Variants in AUTS2 observed in about 807,000 individuals in gnomAD.
AUTS2 encodes activator of transcription and developmental regulator AUTS2.
AUTS2 carries 17 observed loss-of-function variants against 112.4 expected under a neutral mutation model. The observed-to-expected ratio is 0.15, with a 90% CI of 0.10 to 0.23. The LOEUF (loss-of-function observed/expected upper bound fraction) is 0.23. Among genes scored for constraint, AUTS2 ranks in the 10% least tolerant of loss-of-function variants. The pLI is 1.00. For missense variants in AUTS2, 1,510 were observed against 1,701.6 expected, an observed-to-expected ratio of 0.89 and a Z score of 1.98; for synonymous variants, 751 against 702.7, an observed-to-expected ratio of 1.07 and a Z score of -1.09.
chr7:70,651,288 A>G (rs1265755986), intron 5 of AUTS2, among the ~76,000 whole-genome samples: 2 of 152,202 alleles, frequency 1.3e-5, no homozygotes, highest in Non-Finnish European at 2.9e-5. Context: ...ATGTGGCTTC[A>G]TAGCCTGCCC....
At chr7:70,545,528 A>G (rs1800736221) in intron 5 of AUTS2, among the ~76,000 whole-genome samples, 1 of 152,238 alleles carries the variant, frequency 6.6e-6, no homozygotes, top group Non-Finnish European at 1.5e-5. Context: ...TGCACTGAGA[A>G]TGTTAACCTC....
intron 1 of AUTS2, among the ~76,000 whole-genome samples, chr7:69,827,774 G>A (rs1420564170): frequency 1.3e-5 from 2 of 152,190 alleles, no homozygotes; most frequent in South Asian, 2.1e-4. Context: ...GTACTTGAAC[G>A]GAGTCACTGA....
In AUTS2 at chr7:69,827,692, T is replaced by C. The variant is rs192735165; in HGVS notation, c.310-71594T>C. On this transcript the variant is annotated intron_variant, in intron 1 of 18. Transcript: ENST00000342771. ...GGTTAAGATAAACAAAGCTTATCTT[T>C]TTGGTTGGCATCAGAAGGGGCATTT... Among the ~76,000 whole-genome samples, 115 of 152,264 alleles carry C rather than the reference T, an allele frequency of 7.6e-4. 1 individual carries two copies. The highest frequency in any genetic ancestry group is 4.4e-5 in the Non-Finnish European group (3 of 68,022).
chr7:69,701,689 G>A (rs1189177188), intron 1 of AUTS2, among the ~76,000 whole-genome samples: 1 of 152,206 alleles, frequency 6.6e-6, no homozygotes, highest in African/African-American at 2.4e-5. Context: ...CATTTCTGTA[G>A]CATTTTGCAG....
chr7:69,947,513 G>A (rs149263606), intron 2 of AUTS2, among the ~76,000 whole-genome samples: 7 of 152,118 alleles, frequency 4.6e-5, no homozygotes, highest in Admixed American at 2.0e-4. Flanking sequence ...TGGAAATACC[G>A]TGGAATTCAT....
intron 5 of AUTS2, among the ~76,000 whole-genome samples, chr7:70,442,328 C>T (rs559598176): frequency 2.0e-5 from 3 of 152,256 alleles, no homozygotes; most frequent in Non-Finnish European, 2.9e-5. Context: ...CTCATACAGT[C>T]GCAATGTCTA....
At chr7:70,135,523 A>G (rs1365905793) in intron 4 of AUTS2, among the ~76,000 whole-genome samples, 2 of 152,128 alleles carry the variant, frequency 1.3e-5, no homozygotes, top group Non-Finnish European at 2.9e-5. Flanking sequence ...CTCCAATGCT[A>G]ATTACTCTGG....
chr7:70,354,882 C>T (rs1196436180), intron 4 of AUTS2, among the ~76,000 whole-genome samples: 2 of 152,060 alleles, frequency 1.3e-5, no homozygotes, highest in Admixed American at 6.6e-5. Flanking sequence ...TTCTTTTTCA[C>T]TTCTTTAATG....
intron 5 of AUTS2, among the ~76,000 whole-genome samples, chr7:70,497,089 C>T (rs1798576800): frequency 7.4e-6 from 1 of 135,546 alleles, no homozygotes; most frequent in Non-Finnish European, 1.6e-5. Flanking sequence ...ACACCACGTA[C>T]ACAGTCAGAC....
chr7:69,740,464 A>G (rs1450880117), intron 1 of AUTS2, among the ~76,000 whole-genome samples: 1 of 152,216 alleles, frequency 6.6e-6, no homozygotes, highest in Non-Finnish European at 1.5e-5. Flanking sequence ...AGAAAGGAAG[A>G]CACAATTGTG....
chr7:70,477,665 A>G (rs1384565924), intron 5 of AUTS2, among the ~76,000 whole-genome samples: 3 of 152,166 alleles, frequency 2.0e-5, no homozygotes, highest in South Asian at 2.1e-4. Flanking sequence ...GAGCCTATTT[A>G]TAGGTTTGTG....
At chr7:70,451,068 A>C (rs776542705) in intron 5 of AUTS2, among the ~76,000 whole-genome samples, 13 of 152,158 alleles carry the variant, frequency 8.5e-5, no homozygotes, top group Non-Finnish European at 1.3e-4. Flanking sequence ...AGTGTCTGGG[A>C]GACAAAACTA....
chr7:69,761,799 A>G (rs374339935), intron 1 of AUTS2, among the ~76,000 whole-genome samples: 11 of 152,204 alleles, frequency 7.2e-5, no homozygotes, highest in Non-Finnish European at 1.3e-4. Context: ...GCAAATACCA[A>G]TATTTCAGGA....
chr7:70,548,259 T>G (rs1800870667), intron 5 of AUTS2, among the ~76,000 whole-genome samples: 1 of 152,152 alleles, frequency 6.6e-6, no homozygotes, highest in Non-Finnish European at 1.5e-5. Context: ...ACTTTTTAAG[T>G]GGGTTGTTTA....
At chr7:69,698,503 A>G (rs1040051076) in intron 1 of AUTS2, among the ~76,000 whole-genome samples, 1 of 152,140 alleles carries the variant, frequency 6.6e-6, no homozygotes, top group Non-Finnish European at 1.5e-5. Flanking sequence ...TAATGTTATT[A>G]TCTGTGAGCC....
intron 3 of AUTS2, among the ~76,000 whole-genome samples, chr7:70,122,748 A>G (rs1348315909): frequency 6.6e-6 from 1 of 152,072 alleles, no homozygotes; most frequent in Non-Finnish European, 1.5e-5. Context: ...CAAAACGTGG[A>G]CATTTACTGA....
intron 6 of AUTS2, among the ~76,000 whole-genome samples, chr7:70,701,207 C>T (rs778482919): frequency 2.6e-5 from 4 of 152,118 alleles, no homozygotes; most frequent in African/African-American, 4.8e-5. Context: ...AAAATTTCAC[C>T]GTGGGAGGGC....
At chr7:70,155,447 T>G (rs896191914) in intron 4 of AUTS2, among the ~76,000 whole-genome samples, 6 of 151,668 alleles carry the variant, frequency 4.0e-5, no homozygotes, top group African/African-American at 1.5e-4. Flanking sequence ...AGCAGAGTCC[T>G]TGAAGGGCCC....
chr7:70,709,739 G>A (rs1357331097), intron 6 of AUTS2, among the ~76,000 whole-genome samples: 1 of 152,168 alleles, frequency 6.6e-6, no homozygotes, highest in African/African-American at 2.4e-5. Flanking sequence ...ATCTTTTAGG[G>A]CCTCTCAGAA....
Sources: allele counts gnomAD v4.1 joint callset (sites outside exome capture counted in the v4.1 genomes callset), GRCh38; gene constraint gnomAD v4.1.1; transcripts MANE v1.5; gene names NCBI Gene and HGNC (gene_info 2026-07-23, HGNC 2026-07-21).